Variants in FGF14 observed in about 807,000 individuals in gnomAD.
The protein encoded by FGF14 is fibroblast growth factor homologous factor 4.
Under a neutral mutation model 25.5 loss-of-function variants are expected in FGF14, and 5 were observed. The observed-to-expected ratio is 0.20, with a 90% CI of 0.10 to 0.41. The LOEUF is 0.41. Among genes scored for constraint, FGF14 ranks in the 10% least tolerant of loss-of-function variants. The probability of loss-of-function intolerance (pLI) is 1.00; values close to 1 mark genes in which losing one functional copy is unlikely to be tolerated. For synonymous variants in FGF14, 138 were observed against 118.3 expected, an observed-to-expected ratio of 1.17 and a Z score of -1.08; for missense variants, 222 against 320.1, an observed-to-expected ratio of 0.69 and a Z score of 2.34.
At chr13:102,010,215 T>C (rs2040007372) in intron 1 of FGF14, among the ~76,000 whole-genome samples, 1 of 152,180 alleles carries the variant, frequency 6.6e-6, no homozygotes, top group South Asian at 2.1e-4. Flanking sequence ...TCTCTCACAG[T>C]GGGTTTTATA....
At chr13:102,147,615 T>C (rs1453815684) in intron 1 of FGF14, among the ~76,000 whole-genome samples, 1 of 152,182 alleles carries the variant, frequency 6.6e-6, no homozygotes, top group Non-Finnish European at 1.5e-5. Context: ...AAAAATGTCA[T>C]CAAAATGCCA....
chr13:101,847,556 A>G (rs984549975), intron 3 of FGF14, among the ~76,000 whole-genome samples: 1 of 152,128 alleles, frequency 6.6e-6, no homozygotes, highest in African/African-American at 2.4e-5. Flanking sequence ...GCATGTCTGT[A>G]TAGACAAAAA....
intron 1 of FGF14, among the ~76,000 whole-genome samples, chr13:102,275,028 T>C (rs2053440783): frequency 6.6e-6 from 1 of 152,136 alleles, no homozygotes; most frequent in Non-Finnish European, 1.5e-5. Flanking sequence ...ATCTTGATTT[T>C]CTGTGAACAC....
intron 1 of FGF14, among the ~76,000 whole-genome samples, chr13:102,145,235 G>GT (rs960873865): frequency 1.3e-5 from 2 of 152,066 alleles, no homozygotes; most frequent in Non-Finnish European, 2.9e-5. Flanking sequence ...TGGCAATTGG[G>GT]TTTTTTTGGC....
intron 1 of FGF14, among the ~76,000 whole-genome samples, chr13:101,897,429 G>T (rs970741261): frequency 6.6e-6 from 1 of 152,138 alleles, no homozygotes; most frequent in Non-Finnish European, 1.5e-5. Context: ...TGAACCACAG[G>T]CTTCAGAGAA....
chr13:102,234,738 G>A (rs1417437366), intron 1 of FGF14, among the ~76,000 whole-genome samples: 1 of 152,014 alleles, frequency 6.6e-6, no homozygotes, highest in African/African-American at 2.4e-5. Context: ...CAGACACATT[G>A]AATGCATATT....
At chr13:101,765,105 A>G (rs2038294787) in intron 3 of FGF14, among the ~76,000 whole-genome samples, 1 of 152,196 alleles carries the variant, frequency 6.6e-6, no homozygotes, top group South Asian at 2.1e-4. Flanking sequence ...TATGAAAGCA[A>G]TATCAAAGGA....
intron 1 of FGF14, among the ~76,000 whole-genome samples, chr13:101,892,767 G>A (rs972013768): frequency 2.6e-5 from 4 of 152,098 alleles, no homozygotes; most frequent in African/African-American, 9.7e-5. Flanking sequence ...TTCTCTGAAA[G>A]GTGGACATAA....
intron 1 of FGF14, among the ~76,000 whole-genome samples, chr13:101,909,884 C>T (rs1566418701): frequency 6.6e-6 from 1 of 152,126 alleles, no homozygotes; most frequent in African/African-American, 2.4e-5. Flanking sequence ...AAATGTGGCA[C>T]ATATACACCA....
intron 1 of FGF14, among the ~76,000 whole-genome samples, chr13:101,890,893 G>C (rs866367903): frequency 3.6e-4 from 55 of 152,162 alleles, no homozygotes; most frequent in African/African-American, 1.0e-3. Flanking sequence ...CCAGCTCCCT[G>C]AGTTGGATAA....
chr13:101,971,685 T>C (rs1004317796), intron 1 of FGF14, among the ~76,000 whole-genome samples: 5 of 152,168 alleles, frequency 3.3e-5, no homozygotes, highest in Admixed American at 6.5e-5. Context: ...GCATAGAAAT[T>C]TGAAGTAGTT....
At chr13:102,005,768 T>C (rs1377504676) in intron 1 of FGF14, among the ~76,000 whole-genome samples, 1 of 152,236 alleles carries the variant, frequency 6.6e-6, no homozygotes, top group Non-Finnish European at 1.5e-5. Flanking sequence ...TGAAATACTA[T>C]TCCTGATATA....
At chr13:101,951,848 T>C (rs933652310) in intron 1 of FGF14, among the ~76,000 whole-genome samples, 1 of 152,190 alleles carries the variant, frequency 6.6e-6, no homozygotes, top group Admixed American at 6.5e-5. Flanking sequence ...ACCATCCTCT[T>C]TTCAATCCTT....
chr13:101,987,753 GTTT>G (rs991554716), intron 1 of FGF14, among the ~76,000 whole-genome samples: 21 of 151,958 alleles, frequency 1.4e-4, no homozygotes, highest in Non-Finnish European at 2.9e-5. Flanking sequence ...TATATAATAT[GTTT>G]TTTTAAGAAG....
intron 1 of FGF14, among the ~76,000 whole-genome samples, chr13:102,302,033 G>C (rs1231209696): frequency 6.6e-6 from 1 of 152,012 alleles, no homozygotes; most frequent in Non-Finnish European, 1.5e-5. Context: ...CTTTTAGATA[G>C]GGCCTCCTCC....
At chr13:102,098,216 C>A (rs2044496560) in intron 1 of FGF14, among the ~76,000 whole-genome samples, 1 of 152,214 alleles carries the variant, frequency 6.6e-6, no homozygotes, top group Non-Finnish European at 1.5e-5. Flanking sequence ...CAGCACCCTG[C>A]ATCTATGCAG....
chr13:102,212,962 G>T (rs1311269661), intron 1 of FGF14, among the ~76,000 whole-genome samples: 2 of 152,162 alleles, frequency 1.3e-5, no homozygotes, highest in East Asian at 3.9e-4. Flanking sequence ...TTCTGCAAGA[G>T]GGACAGAAAA....
chr13:102,166,936 G>C (rs1410642910), intron 1 of FGF14, among the ~76,000 whole-genome samples: 1 of 152,046 alleles, frequency 6.6e-6, no homozygotes, highest in Non-Finnish European at 1.5e-5. Flanking sequence ...TGAATATCAA[G>C]AATTGGCTGT....
intron 1 of FGF14, among the ~76,000 whole-genome samples, chr13:102,254,922 T>C (rs1199975301): frequency 6.6e-6 from 1 of 152,236 alleles, no homozygotes; most frequent in Non-Finnish European, 1.5e-5. Context: ...TAACTGTTAA[T>C]AGACTATTTT....
Sources: gnomAD v4.1 joint callset for allele counts (sites outside exome capture counted in the v4.1 genomes callset) on GRCh38, gnomAD v4.1.1 for gene constraint, MANE v1.5 for transcripts, NCBI Gene and HGNC (gene_info 2026-07-23, HGNC 2026-07-21) for gene names.